Variants in CCS observed in about 807,000 individuals in gnomAD.
CCS encodes the protein copper chaperone for superoxide dismutase, also known as superoxide dismutase copper chaperone.
In CCS, 32 loss-of-function variants were observed where a neutral mutation model predicts 35.5. That is an observed-to-expected ratio of 0.90 (90% confidence interval 0.68 to 1.21). The LOEUF (loss-of-function observed/expected upper bound fraction) is 1.21, where lower values mean the gene tolerates loss of function less well. CCS is among the 50% of genes most tolerant of loss of function. The pLI is 0.00. For missense variants in CCS, 342 were observed against 375.4 expected (o/e 0.91, Z 0.73); for synonymous variants, 130 against 147.2 (o/e 0.88, Z 0.84).
At chr11:66,603,310 C>T (rs1423357759) in intron 5 of CCS, among the ~76,000 whole-genome samples, 1 of 152,250 alleles carries the variant, frequency 6.6e-6, no homozygotes, top group African/African-American at 2.4e-5. Flanking sequence ...CACAGTGGCT[C>T]ACGCCTGCAA....
chr11:66,605,898 C>G lies in CCS; in HGVS notation c.*43C>G. On this transcript the variant is annotated 3_prime_UTR_variant, in exon 8 of 8. Transcript: ENST00000533244. ...CTCTGTTGCTGTCCTCCAGGGCGAG[C>G]ACTTTCCACTTCCAGAGGGGGCCAG... 6.8e-7 allele frequency: 1 copy of G among 1,462,728 alleles called. No individual in the cohort carries two copies. Among genetic ancestry groups the G allele is most frequent in the Non-Finnish European group, 9.0e-7 (1 of 1,108,840 alleles). 90.6% of individuals were successfully genotyped at this position (1,462,728 alleles called of 1,614,324 possible).
Position 66,605,319 on chromosome 11 carries a change from C to T in CCS, c.490-20C>T, listed in dbSNP as rs756484980. ...CCACGTGGCACACATCCCCTATACA[C>T]ACACTGGATCTCATTCCAGCACCGC... On this transcript the variant is annotated intron_variant, in intron 5 of 7. Coordinates refer to ENST00000533244, the MANE Select transcript of CCS (RefSeq NM_005125.2). 3 of 1,614,042 alleles carry T rather than the reference C, an allele frequency of 1.9e-6. No homozygotes were observed. The highest frequency in any genetic ancestry group is 2.2e-5 in the East Asian group (1 of 44,876).
chr11:66,605,166 G>A (rs1355731901), intron 5 of CCS, 173 bp from the exon 6 acceptor site: 6 of 1,535,764 alleles, frequency 3.9e-6, no homozygotes, highest in Non-Finnish European at 5.2e-6. Flanking sequence ...AGGGCCAAGA[G>A]GACCTTGCCT....
intron 3 of CCS, 56 bp downstream of exon 3, chr11:66,599,309 A>G: frequency 2.6e-6 from 4 of 1,530,712 alleles, no homozygotes; most frequent in Non-Finnish European, 3.5e-6. Context: ...CAGAGCTGGT[A>G]CAAATCTAAT....
intron 4 of CCS, 47 bp from the exon 5 acceptor site, chr11:66,600,442 T>A (rs754747423): frequency 8.5e-7 from 1 of 1,179,218 alleles, no homozygotes; most frequent in South Asian, 1.6e-5. Context: ...GTAGAGCACC[T>A]GGCCTGTGAG....
At chr11:66,595,109 G>C (rs1300374110) in intron 2 of CCS, among the ~76,000 whole-genome samples, 1 of 152,158 alleles carries the variant, frequency 6.6e-6, no homozygotes. Context: ...TTGTGTCTCT[G>C]TTTCTTCTGT....
At chr11:66,599,808 T>G (rs1858544147) in intron 4 of CCS, 172 bp downstream of exon 4, 1 of 647,170 alleles carries the variant, frequency 1.5e-6, no homozygotes, top group Admixed American at 3.3e-5. Flanking sequence ...AAAGGTAGAG[T>G]TGGGGTTTGA....
At chr11:66,597,412 T>G (rs1213125199) in intron 2 of CCS, among the ~76,000 whole-genome samples, 114 of 124,026 alleles carry the variant, frequency 9.2e-4, no homozygotes, top group Middle Eastern at 0.013. Flanking sequence ...GAGCCGAGAT[T>G]GTGCCACTGC....
intron 5 of CCS, among the ~76,000 whole-genome samples, chr11:66,601,565 C>T (rs1218957997): frequency 1.3e-5 from 2 of 151,856 alleles, no homozygotes; most frequent in Non-Finnish European, 2.9e-5. Flanking sequence ...TCTCCCCTCC[C>T]CTCCCCTCCC....
At chr11:66,601,927 T>G (rs2134983831) in intron 5 of CCS, among the ~76,000 whole-genome samples, 1 of 151,788 alleles carries the variant, frequency 6.6e-6, no homozygotes, top group Middle Eastern at 3.4e-3. Flanking sequence ...AGAAACGAGG[T>G]TTTGCCATGT....
At chr11:66,601,977 G>A (rs532858848) in intron 5 of CCS, among the ~76,000 whole-genome samples, 21 of 151,258 alleles carry the variant, frequency 1.4e-4, no homozygotes, top group Admixed American at 9.9e-4. Flanking sequence ...CAAGTGATCC[G>A]CCTGCCTTGG....
At chr11:66,597,286 GTC>G (rs1190323127) in intron 2 of CCS, among the ~76,000 whole-genome samples, 2 of 151,852 alleles carry the variant, frequency 1.3e-5, no homozygotes, top group African/African-American at 4.8e-5. Flanking sequence ...GTGAAACCCT[GTC>G]TCTACTAAAA....
In CCS at chr11:66,593,906, C is replaced by G. The variant is rs1042299820; in HGVS notation, c.112+192C>G. Among the ~76,000 whole-genome samples, 6 of 152,224 alleles carry G rather than the reference C, an allele frequency of 3.9e-5. No homozygotes were observed. In the South Asian group the frequency reaches 8.3e-4, roughly 21 times the overall value. On this transcript the variant is annotated intron_variant, in intron 2 of 7. Transcript: ENST00000533244. Reference sequence around the variant, plus strand: ...AGTACAGCTGTCCAGCTTGCCCTGACAGATTCTAACTGCCTGTCTTGTTGT... The same window carrying G: ...AGTACAGCTGTCCAGCTTGCCCTGAGAGATTCTAACTGCCTGTCTTGTTGT...
chr11:66,601,278 A>G (rs908618677), intron 5 of CCS, among the ~76,000 whole-genome samples: 5 of 152,082 alleles, frequency 3.3e-5, no homozygotes, highest in African/African-American at 1.2e-4. Flanking sequence ...TTTTTAGTAG[A>G]GATGGGGTTT....
intron 1 of CCS, 61 bp downstream of exon 1, chr11:66,593,361 T>G (rs537574662): frequency 1.4e-6 from 2 of 1,442,326 alleles, no homozygotes; most frequent in African/African-American, 2.9e-5. Flanking sequence ...CCTGGGATGA[T>G]CGTTACCTTG....
chr11:66,605,492 TG>T lies in CCS; in HGVS notation c.574del (p.Asp192MetfsTer2). ...FRMEDEQLKVWDVIGRSLIID... is the reference protein window; with the variant it reads ...FRMEDEQLKVXDVIGRSLIID... Reference sequence around the variant, plus strand: ...AAGCTGTCGTCTCCCCTCAAAGGTGTGGGATGTGATTGGCCGCAGCCTGATT... The same window carrying T: ...AAGCTGTCGTCTCCCCTCAAAGGTGTGGATGTGATTGGCCGCAGCCTGATT... On this transcript the variant is annotated frameshift_variant, in exon 7 of 8. Transcript: ENST00000533244. LOFTEE classifies it high-confidence loss of function. 6.2e-7 allele frequency: 1 copy of T among 1,613,950 alleles called. No homozygotes were observed. Among genetic ancestry groups the T allele is most frequent in the Non-Finnish European group, 8.5e-7 (1 of 1,179,890 alleles).
chr11:66,605,483 T>C lies in CCS; in HGVS notation c.568-6T>C. ...CATCATCTGAAGCTGTCGTCTCCCC[T>C]CAAAGGTGTGGGATGTGATTGGCCG... On this transcript the variant is annotated splice_region_variant and splice_polypyrimidine_tract_variant and intron_variant, in intron 6 of 7. Transcript: ENST00000533244. 1 of 1,613,818 alleles carries C rather than the reference T, an allele frequency of 6.2e-7. No homozygotes were observed. The highest frequency in any genetic ancestry group is 2.2e-5 in the East Asian group (1 of 44,864).
rs377577328 is a variant in CCS, at chr11:66,593,255, G to A, written c.-7G>A. The A allele has an allele frequency of 1.4e-5, 22 of 1,561,268 alleles. No individual in the cohort carries two copies. The highest frequency in any genetic ancestry group is 1.4e-4 in the Admixed American group (7 of 50,906). On this transcript the variant is annotated 5_prime_UTR_variant, in exon 1 of 8. Coordinates refer to ENST00000533244, the MANE Select transcript of CCS (RefSeq NM_005125.2). Reference sequence around the variant, plus strand: ...TTCTGCGTCTCGGGGTGGTGACTGGGTCCAGAATGGCTTCGGATTCGGGGA... The same window carrying A: ...TTCTGCGTCTCGGGGTGGTGACTGGATCCAGAATGGCTTCGGATTCGGGGA...
chr11:66,598,183 T>C (rs1858510760), intron 2 of CCS, among the ~76,000 whole-genome samples: 1 of 152,064 alleles, frequency 6.6e-6, no homozygotes, highest in African/African-American at 2.4e-5. Flanking sequence ...CTGTCAGTTT[T>C]ACATTTTTAT....
Sources: allele counts gnomAD v4.1 joint callset (sites outside exome capture counted in the v4.1 genomes callset), GRCh38; gene constraint gnomAD v4.1.1; transcripts MANE v1.5; gene names NCBI Gene and HGNC (gene_info 2026-07-23, HGNC 2026-07-21).